The following LSAMP variants were observed in gnomAD, a reference collection of about 807,000 sequenced individuals.
LSAMP encodes limbic system-associated membrane protein.
Under a neutral mutation model 38.6 loss-of-function variants are expected in LSAMP, and 7 were observed. The observed-to-expected ratio is 0.18, with a 90% CI of 0.10 to 0.34. LSAMP has a LOEUF of 0.34. Ranked by LOEUF, LSAMP falls within the 10% of genes least tolerant of loss-of-function variation. The probability of loss-of-function intolerance (pLI) is 1.00; values close to 1 mark genes in which losing one functional copy is unlikely to be tolerated. For missense variants in LSAMP, 313 were observed against 420.0 expected, an observed-to-expected ratio of 0.75 and a Z score of 2.23; for synonymous variants, 154 against 166.8, an observed-to-expected ratio of 0.92 and a Z score of 0.59.
intron 1 of LSAMP, among the ~76,000 whole-genome samples, chr3:116,397,386 GCCC>G (rs34626647): frequency 6.8e-4 from 68 of 100,122 alleles, no homozygotes; most frequent in African/African-American, 1.6e-3. Flanking sequence ...TAAAATACCC[GCCC>G]CCCCCCCACA....
intron 3 of LSAMP, among the ~76,000 whole-genome samples, chr3:115,861,135 TTCCTTCCTTCCTTCCTTCCTTCCTTCC>T (rs1935675726): frequency 2.8e-3 from 15 of 5,448 alleles, no homozygotes; most frequent in Admixed American, 7.1e-3. Flanking sequence ...CTTTCTTTCC[TTCCTTCCTTCCTTCCTTCCTTCCTTCC>T]TTCCTTCCTT....
At chr3:115,939,561 T>TTTCTTTCTTTCC (rs1937830991) in intron 3 of LSAMP, among the ~76,000 whole-genome samples, 1 of 101,888 alleles carries the variant, frequency 9.8e-6, no homozygotes, top group Non-Finnish European at 2.2e-5. Flanking sequence ...TCTTTCTTTC[T>TTTCTTTCTTTCC]TTCTTTCTTT....
chr3:115,909,693 G>A (rs1465720379), intron 3 of LSAMP, among the ~76,000 whole-genome samples: 1 of 152,156 alleles, frequency 6.6e-6, no homozygotes, highest in Non-Finnish European at 1.5e-5. Flanking sequence ...TTCTATTGGA[G>A]TTTTGAGGGA....
At chr3:116,397,571 G>C (rs988174287) in intron 1 of LSAMP, among the ~76,000 whole-genome samples, 1 of 151,958 alleles carries the variant, frequency 6.6e-6, no homozygotes, top group Admixed American at 6.6e-5. Flanking sequence ...TGTGTGTTTT[G>C]TTCATTACTT....
chr3:116,442,685 T>C (rs2049453208), intron 1 of LSAMP, among the ~76,000 whole-genome samples: 1 of 152,134 alleles, frequency 6.6e-6, no homozygotes, highest in Admixed American at 6.5e-5. Flanking sequence ...TAAGGTGAGG[T>C]CTGGAAAAGA....
chr3:115,988,789 T>G (rs1688547814), intron 3 of LSAMP, among the ~76,000 whole-genome samples: 1 of 152,182 alleles, frequency 6.6e-6, no homozygotes, highest in Non-Finnish European at 1.5e-5. Flanking sequence ...TAAGCGTTGT[T>G]CTTTCAGTTG....
At chr3:116,195,932 T>C (rs995549288) in intron 1 of LSAMP, among the ~76,000 whole-genome samples, 4 of 152,238 alleles carry the variant, frequency 2.6e-5, no homozygotes, top group Admixed American at 2.0e-4. Context: ...TGTTTATATG[T>C]ATTAAGTGAT....
chr3:115,844,711 T>G (rs1644461529), intron 4 of LSAMP, among the ~76,000 whole-genome samples: 1 of 152,184 alleles, frequency 6.6e-6, no homozygotes. Flanking sequence ...GCATGATGGC[T>G]CATGCCTCTA....
chr3:116,443,069 G>A (rs980270821), intron 1 of LSAMP, among the ~76,000 whole-genome samples: 3 of 152,166 alleles, frequency 2.0e-5, no homozygotes, highest in Non-Finnish European at 2.9e-5. Flanking sequence ...ATACATTCAA[G>A]TTATTCATTT....
chr3:115,904,379 A>C (rs1170961934), intron 3 of LSAMP, among the ~76,000 whole-genome samples: 1 of 152,134 alleles, frequency 6.6e-6, no homozygotes, highest in African/African-American at 2.4e-5. Context: ...TAACTTAAGA[A>C]ATTGATCTAG....
At chr3:116,295,526 G>C (rs530438017) in intron 1 of LSAMP, among the ~76,000 whole-genome samples, 25 of 152,304 alleles carry the variant, frequency 1.6e-4, no homozygotes, top group African/African-American at 6.0e-4. Context: ...TCAGTCCCAA[G>C]GTCTAGTCAC....
At chr3:116,153,729 T>G (rs903848214) in intron 1 of LSAMP, among the ~76,000 whole-genome samples, 1 of 152,118 alleles carries the variant, frequency 6.6e-6, no homozygotes, top group Non-Finnish European at 1.5e-5. Flanking sequence ...TTTTAACTCT[T>G]TGGCTTTCAC....
chr3:115,897,342 G>A (rs1027064342), intron 3 of LSAMP, among the ~76,000 whole-genome samples: 11 of 152,028 alleles, frequency 7.2e-5, no homozygotes, highest in African/African-American at 2.7e-4. Flanking sequence ...ACTGTTGGAG[G>A]ATTATGGTGA....
chr3:116,269,438 T>G (rs1208080232), intron 1 of LSAMP, among the ~76,000 whole-genome samples: 1 of 152,052 alleles, frequency 6.6e-6, no homozygotes, highest in Non-Finnish European at 1.5e-5. Context: ...TACACATTGC[T>G]TGGTACACAG....
intron 3 of LSAMP, among the ~76,000 whole-genome samples, chr3:115,996,670 A>G (rs936138458): frequency 6.6e-6 from 1 of 152,086 alleles, no homozygotes; most frequent in Non-Finnish European, 1.5e-5. Context: ...ATTTTTTTCT[A>G]AGTCCATACA....
At chr3:116,390,216 C>T (rs1435379921) in intron 1 of LSAMP, among the ~76,000 whole-genome samples, 1 of 151,932 alleles carries the variant, frequency 6.6e-6, no homozygotes, top group Non-Finnish European at 1.5e-5. Flanking sequence ...GCCAAACATG[C>T]TTTGAAGGAT....
intron 3 of LSAMP, among the ~76,000 whole-genome samples, chr3:115,931,381 A>G (rs1937578528): frequency 2.0e-5 from 3 of 152,298 alleles, no homozygotes; most frequent in South Asian, 4.1e-4. Flanking sequence ...GCCTGCCCCC[A>G]GCTGAGTGAC....
At chr3:115,931,036 A>G (rs1232236599) in intron 3 of LSAMP, among the ~76,000 whole-genome samples, 2 of 152,204 alleles carry the variant, frequency 1.3e-5, no homozygotes, top group Non-Finnish European at 2.9e-5. Context: ...AAAATGTCAT[A>G]AGGTCATTGT....
chr3:115,985,073 TTTTA>T, intron 3 of LSAMP, among the ~76,000 whole-genome samples: 1 of 152,320 alleles, frequency 6.6e-6, no homozygotes, highest in East Asian at 1.9e-4. Flanking sequence ...GCCAAAAGGC[TTTTA>T]TTTAGACTAC....
Sources: allele counts gnomAD v4.1 joint callset (sites outside exome capture counted in the v4.1 genomes callset), GRCh38; gene constraint gnomAD v4.1.1; transcripts MANE v1.5; gene names NCBI Gene and HGNC (gene_info 2026-07-23, HGNC 2026-07-21).